The following NKAIN3 variants were observed in gnomAD, a reference collection of about 807,000 sequenced individuals.
NKAIN3 encodes the protein sodium/potassium-transporting ATPase subunit beta-1-interacting protein 3.
In NKAIN3, 25 loss-of-function variants were observed where a neutral mutation model predicts 30.2. The observed-to-expected ratio is 0.83, with a 90% confidence interval of 0.60 to 1.16. The LOEUF (loss-of-function observed/expected upper bound fraction) is 1.16. Ranked by LOEUF, NKAIN3 falls within the 50% of genes most tolerant of loss-of-function variation. The probability of loss-of-function intolerance (pLI) is 0.00; values close to 1 mark genes in which losing one functional copy is unlikely to be tolerated. For missense variants in NKAIN3, 225 were observed against 254.1 expected, an observed-to-expected ratio of 0.89 and a Z score of 0.78; for synonymous variants, 91 against 89.6, an observed-to-expected ratio of 1.02 and a Z score of -0.09.
At chr8:62,904,320 C>T (rs1199639308) in intron 4 of NKAIN3, among the ~76,000 whole-genome samples, 1 of 152,120 alleles carries the variant, frequency 6.6e-6, no homozygotes, top group East Asian at 1.9e-4. Flanking sequence ...CTGAAATATC[C>T]ATAGCATTTT....
chr8:62,314,650 C>T (rs1157452520), intron 1 of NKAIN3, among the ~76,000 whole-genome samples: 1 of 152,142 alleles, frequency 6.6e-6, no homozygotes, highest in Non-Finnish European at 1.5e-5. Context: ...TTAGGTCACT[C>T]GCTTGTCAAG....
At chr8:62,994,012 T>C (rs1241630497) in intron 5 of NKAIN3, among the ~76,000 whole-genome samples, 2 of 152,194 alleles carry the variant, frequency 1.3e-5, no homozygotes, top group Non-Finnish European at 2.9e-5. Context: ...TTAAATGCAT[T>C]AATTACTTTG....
At chr8:62,931,255 C>A (rs541356187) in intron 5 of NKAIN3, among the ~76,000 whole-genome samples, 2 of 152,252 alleles carry the variant, frequency 1.3e-5, no homozygotes, top group Admixed American at 1.3e-4. Flanking sequence ...TAACATTACA[C>A]AAATTTAATA....
chr8:62,882,614 T>A (rs12548200), intron 4 of NKAIN3, among the ~76,000 whole-genome samples: 1 of 151,992 alleles, frequency 6.6e-6, no homozygotes, highest in Non-Finnish European at 1.5e-5. Flanking sequence ...CACTATGCCC[T>A]GCCTGGTGTT....
At chr8:62,449,525 G>A (rs1805579172) in intron 1 of NKAIN3, among the ~76,000 whole-genome samples, 1 of 151,958 alleles carries the variant, frequency 6.6e-6, no homozygotes, top group Admixed American at 6.6e-5. Flanking sequence ...TCTTCCTTAT[G>A]TTTCATTGAG....
chr8:62,747,828 A>G (rs1370640998), intron 4 of NKAIN3, among the ~76,000 whole-genome samples: 1 of 152,170 alleles, frequency 6.6e-6, no homozygotes, highest in African/African-American at 2.4e-5. Flanking sequence ...AGTTTGAGTC[A>G]ATATCCAATA....
At chr8:62,611,452 C>T (rs772045578) in intron 3 of NKAIN3, among the ~76,000 whole-genome samples, 10 of 152,136 alleles carry the variant, frequency 6.6e-5, no homozygotes, top group Non-Finnish European at 1.3e-4. Flanking sequence ...CCCCATCAGA[C>T]TCCCGCTCTG....
chr8:62,416,133 G>T (rs548187468), intron 1 of NKAIN3, among the ~76,000 whole-genome samples: 61 of 152,188 alleles, frequency 4.0e-4, no homozygotes, highest in African/African-American at 1.4e-3. Context: ...CTAAGGTCTT[G>T]ATCTTAGCCT....
At chr8:62,627,756 G>A (rs868018501) in intron 3 of NKAIN3, among the ~76,000 whole-genome samples, 1 of 152,162 alleles carries the variant, frequency 6.6e-6, no homozygotes, top group South Asian at 2.1e-4. Context: ...GTCATCCTTA[G>A]ATTGCTAGTT....
At chr8:62,562,473 T>C (rs924099890) in intron 1 of NKAIN3, among the ~76,000 whole-genome samples, 5 of 152,172 alleles carry the variant, frequency 3.3e-5, no homozygotes, top group African/African-American at 1.2e-4. Flanking sequence ...TTTCATTAGT[T>C]CTACAACCAA....
chr8:62,435,009 C>CT (rs1805124762), intron 1 of NKAIN3, among the ~76,000 whole-genome samples: 1 of 152,070 alleles, frequency 6.6e-6, no homozygotes, highest in Admixed American at 6.6e-5. Context: ...TGAGCTCTAA[C>CT]TGGTGGATGG....
At chr8:62,403,823 A>G (rs1401479990) in intron 1 of NKAIN3, among the ~76,000 whole-genome samples, 1 of 152,196 alleles carries the variant, frequency 6.6e-6, no homozygotes, top group African/African-American at 2.4e-5. Flanking sequence ...CTGTAAGAAG[A>G]AGGCCACTGT....
intron 3 of NKAIN3, among the ~76,000 whole-genome samples, chr8:62,660,498 A>G (rs1488687198): frequency 6.6e-6 from 1 of 151,884 alleles, no homozygotes; most frequent in Non-Finnish European, 1.5e-5. Context: ...CTGGTGTTAT[A>G]TTAGTAGAGA....
At position 62,579,524 on chromosome 8, in the gene NKAIN3, CT is replaced by C; in HGVS notation, c.55-8del. On this transcript the variant is annotated splice_polypyrimidine_tract_variant and intron_variant, in intron 1 of 6. Coordinates refer to ENST00000623646, the MANE Select transcript of NKAIN3 (RefSeq NM_001304533.3). ...CTTGGATTCAATGCTAATGAACTTT[CT>C]TTTTTTGTTGTAGGTCTCAGCATTA... 1.3e-6 allele frequency: 2 copies of C among 1,591,376 alleles called. No homozygotes were observed. The highest frequency in any genetic ancestry group is 8.5e-7 in the Non-Finnish European group (1 of 1,170,674).
intron 4 of NKAIN3, among the ~76,000 whole-genome samples, chr8:62,882,003 G>A (rs1359205013): frequency 6.6e-6 from 1 of 152,166 alleles, no homozygotes; most frequent in African/African-American, 2.4e-5. Context: ...AGTGACATAT[G>A]ATGTTGAACA....
At position 62,459,276 on chromosome 8, in the gene NKAIN3, T is replaced by C. The variant is rs150387995; in HGVS notation, c.55-120263T>C. ...GAGATCGAGGACATTCCCAGAAGTC[T>C]AGGTCAGCTGAGCAACAGGGAGTGT... is the stretch of plus-strand genomic sequence containing the variant. On this transcript the variant is annotated intron_variant, in intron 1 of 6. Coordinates refer to ENST00000623646, the MANE Select transcript of NKAIN3 (RefSeq NM_001304533.3). Among the ~76,000 whole-genome samples the C allele has an allele frequency of 2.4e-4, 36 of 152,302 alleles. No individual in the cohort carries two copies. The East Asian group carries it at 6.8e-3, about 29-fold the overall frequency.
chr8:62,872,112 A>G (rs548925739), intron 4 of NKAIN3, among the ~76,000 whole-genome samples: 1 of 152,350 alleles, frequency 6.6e-6, no homozygotes, highest in South Asian at 2.1e-4. Flanking sequence ...AACTTGCTGC[A>G]CATGCTTGTA....
intron 1 of NKAIN3, among the ~76,000 whole-genome samples, chr8:62,280,718 A>C (rs995819947): frequency 6.6e-6 from 1 of 152,188 alleles, no homozygotes; most frequent in African/African-American, 2.4e-5. Flanking sequence ...CATCCCAGGG[A>C]TAAAGCCAAC....
At chr8:62,383,805 G>A (rs749831472) in intron 1 of NKAIN3, among the ~76,000 whole-genome samples, 1 of 151,830 alleles carries the variant, frequency 6.6e-6, no homozygotes, top group Admixed American at 6.6e-5. Context: ...TTCAATACAA[G>A]AGAATATGTA....
Sources: allele counts gnomAD v4.1 joint callset (sites outside exome capture counted in the v4.1 genomes callset), GRCh38; gene constraint gnomAD v4.1.1; transcripts MANE v1.5; gene names NCBI Gene and HGNC (gene_info 2026-07-23, HGNC 2026-07-21).